ZMYM2: variants seen among roughly 807,000 people sequenced by gnomAD.
ZMYM2 encodes the protein zinc finger MYM-type protein 2.
A neutral mutation model predicts 162.8 loss-of-function variants in ZMYM2; 56 were observed. The ratio of observed to expected loss-of-function variants is 0.34; its 90% CI spans 0.28 to 0.43. ZMYM2 has a LOEUF of 0.43. Ranked by LOEUF, ZMYM2 falls within the 20% of genes least tolerant of loss-of-function variation. The pLI, the probability that ZMYM2 is intolerant of heterozygous loss-of-function variation, is 1.00. For synonymous variants in ZMYM2, 510 were observed against 541.6 expected, an observed-to-expected ratio of 0.94 and a Z score of 0.81; for missense variants, 1,275 against 1,621.8, an observed-to-expected ratio of 0.79 and a Z score of 3.67.
chr13:20,002,833 T>G lies in ZMYM2; in HGVS notation c.848-17T>G. 1 of 1,608,706 alleles carries G rather than the reference T, an allele frequency of 6.2e-7. No homozygotes were observed. On this transcript the variant is annotated splice_polypyrimidine_tract_variant and intron_variant, in intron 3 of 24. Coordinates refer to ENST00000610343, the MANE Select transcript of ZMYM2 (RefSeq NM_197968.4). ...ACACTTGTTTCATTATTCTTTCTTGTGCATTTTGTTTTTAAGATTCTTGGA... is the reference window on the plus strand; with the variant it reads ...ACACTTGTTTCATTATTCTTTCTTGGGCATTTTGTTTTTAAGATTCTTGGA...
intron 21 of ZMYM2, among the ~76,000 whole-genome samples, chr13:20,081,606 CT>C (rs1174619533): frequency 1.3e-5 from 2 of 151,844 alleles, no homozygotes; most frequent in Non-Finnish European, 2.9e-5. Context: ...CAGTGTTTTT[CT>C]TTAGTCATTA....
intron 2 of ZMYM2, among the ~76,000 whole-genome samples, chr13:19,963,454 A>G (rs1318121130): frequency 6.6e-6 from 1 of 152,242 alleles, no homozygotes; most frequent in Admixed American, 6.5e-5. Flanking sequence ...GAGTGCAGCA[A>G]TCTGAGTAAC....
chr13:20,020,480 C>T (rs1468223402), intron 7 of ZMYM2, among the ~76,000 whole-genome samples: 3 of 152,150 alleles, frequency 2.0e-5, no homozygotes, highest in Non-Finnish European at 4.4e-5. Context: ...CTGCCTCGGC[C>T]TCCCAAGTGT....
chr13:20,056,529 C>T (rs1432801834), intron 14 of ZMYM2, among the ~76,000 whole-genome samples: 1 of 152,088 alleles, frequency 6.6e-6, no homozygotes, highest in Non-Finnish European at 1.5e-5. Flanking sequence ...GTGAGGCTCT[C>T]AATGCCGACA....
chr13:20,058,486 C>G, intron 14 of ZMYM2, 89 bp from the exon 15 acceptor site: 1 of 1,469,090 alleles, frequency 6.8e-7, no homozygotes, highest in Non-Finnish European at 9.1e-7. Context: ...TGTGTGTTCC[C>G]TTCTTAGGAC....
the ZMYM2 span, among the ~76,000 whole-genome samples, chr13:19,896,732 GACA>G: frequency 0.13 from 18,515 of 139,090 alleles, 1,608 homozygotes; most frequent in African/African-American, 0.24. Context: ...ACTCCAGCCT[GACA>G]GAGTGACAGA....
chr13:19,885,947 A>ATACACACATATATGTGTG, the ZMYM2 span, among the ~76,000 whole-genome samples: 280 of 20,792 alleles, frequency 0.013, 82 homozygotes, highest in Middle Eastern at 0.071. Flanking sequence ...ATATATATGT[A>ATACACACATATATGTGTG]TATACACATA....
At chr13:19,867,243 C>T in the ZMYM2 span, among the ~76,000 whole-genome samples, 1 of 151,772 alleles carries the variant, frequency 6.6e-6, no homozygotes, top group African/African-American at 2.4e-5. Context: ...ATCCCAGCTA[C>T]TTGGGAGGCT....
the ZMYM2 span, among the ~76,000 whole-genome samples, chr13:19,898,382 G>A: frequency 6.6e-6 from 1 of 151,814 alleles, no homozygotes; most frequent in Non-Finnish European, 1.5e-5. Context: ...ACAGGCGCCC[G>A]CCACCATGCC....
chr13:19,965,293 C>A, intron 2 of ZMYM2: 1 of 1,291,504 alleles, frequency 7.7e-7, no homozygotes, highest in Non-Finnish European at 1.0e-6. Flanking sequence ...TAAGAATTGA[C>A]AACTAAATTT....
At chr13:20,040,385 A>T (rs1594524930) in intron 12 of ZMYM2, among the ~76,000 whole-genome samples, 1 of 152,110 alleles carries the variant, frequency 6.6e-6, no homozygotes, top group South Asian at 2.1e-4. Flanking sequence ...AGAGGTGTTC[A>T]TTACAATCTC....
the ZMYM2 span, among the ~76,000 whole-genome samples, chr13:19,880,604 AT>A: frequency 6.6e-6 from 1 of 150,662 alleles, no homozygotes; most frequent in South Asian, 2.1e-4. Flanking sequence ...AATTTTTTGT[AT>A]TTTAATAGAG....
chr13:20,052,286 G>A lies in ZMYM2; in HGVS notation c.2468G>A (p.Cys823Tyr), dbSNP rs1258200730. 5.7e-6 allele frequency: 9 copies of A among 1,568,038 alleles called. No homozygotes were observed. Among genetic ancestry groups the A allele is most frequent in the Admixed American group, 3.7e-5 (2 of 53,408 alleles). ...GPENLHYDQG[C>Y]QTSRTKMTGS... is the part of the protein sequence containing the mutation. ...TTTTTGTGTTTTTTAGATCAGGGTTGTCAGACATCTCGAACCAAAATGACA... is the reference window on the plus strand; with the variant it reads ...TTTTTGTGTTTTTTAGATCAGGGTTATCAGACATCTCGAACCAAAATGACA... Residue 823 changes from cysteine (C) to tyrosine (Y), a missense_variant, in exon 14 of 25, where the codon TGT becomes TAT. Cys to Tyr is a radical substitution (Grantham distance 194, BLOSUM62 -2). Transcript: ENST00000610343.
intron 2 of ZMYM2, among the ~76,000 whole-genome samples, chr13:19,976,845 T>G (rs1055301765): frequency 6.6e-6 from 1 of 152,248 alleles, no homozygotes; most frequent in African/African-American, 2.4e-5. Flanking sequence ...GTTTGGTCGT[T>G]CTATCCATTT....
intron 7 of ZMYM2, among the ~76,000 whole-genome samples, chr13:20,023,605 A>G (rs1038305859): frequency 1.3e-5 from 2 of 152,102 alleles, no homozygotes; most frequent in African/African-American, 2.4e-5. Flanking sequence ...ACTTGGTTCT[A>G]TCTCATTCTT....
At chr13:19,968,983 C>G (rs1956058093) in intron 2 of ZMYM2, among the ~76,000 whole-genome samples, 1 of 152,130 alleles carries the variant, frequency 6.6e-6, no homozygotes, top group African/African-American at 2.4e-5. Context: ...ACAAAGGACA[C>G]TTCTTAAAGA....
At chr13:19,981,504 C>T (rs183972110) in intron 2 of ZMYM2, among the ~76,000 whole-genome samples, 150 of 152,270 alleles carry the variant, frequency 9.9e-4, no homozygotes, top group Admixed American at 2.2e-3. Context: ...GCTAATCTTA[C>T]ACATTTCCTG....
At chr13:19,942,531 C>T in the ZMYM2 span, among the ~76,000 whole-genome samples, 13 of 146,692 alleles carry the variant, frequency 8.9e-5, no homozygotes, top group Non-Finnish European at 1.8e-4. Context: ...AGGGAGATAC[C>T]GTCTCTACAA....
chr13:20,061,336 A>G (rs1956216252), intron 17 of ZMYM2, 112 bp downstream of exon 17: 7 of 1,217,110 alleles, frequency 5.8e-6, no homozygotes, highest in Non-Finnish European at 7.8e-6. Context: ...TGTGGGGGTG[A>G]GGAAAGCATT....
Sources: allele counts gnomAD v4.1 joint callset (sites outside exome capture counted in the v4.1 genomes callset), GRCh38; gene constraint gnomAD v4.1.1; transcripts MANE v1.5; gene names NCBI Gene and HGNC (gene_info 2026-07-23, HGNC 2026-07-21).